Variants in PRR16 observed in about 807,000 individuals in gnomAD.
The protein encoded by PRR16 is proline rich 16.
A neutral mutation model predicts 18.2 loss-of-function variants in PRR16; 6 were observed. The ratio of observed to expected loss-of-function variants is 0.33; its 90% CI spans 0.18 to 0.65. PRR16 has a LOEUF of 0.65. PRR16 is among the 30% of genes least tolerant of loss of function. The probability of loss-of-function intolerance (pLI) is 0.74; values close to 1 mark genes in which losing one functional copy is unlikely to be tolerated. For missense variants in PRR16, 412 were observed against 376.6 expected, an observed-to-expected ratio of 1.09 and a Z score of -0.78; for synonymous variants, 151 against 147.8, an observed-to-expected ratio of 1.02 and a Z score of -0.16.
intron 1 of PRR16, among the ~76,000 whole-genome samples, chr5:120,637,152 C>A (rs73256084): frequency 6.6e-6 from 1 of 151,498 alleles, no homozygotes; most frequent in Non-Finnish European, 1.5e-5. Context: ...GGCATGGATG[C>A]GATGAAAAGG....
chr5:120,611,549 G>A (rs1754334311), intron 1 of PRR16, among the ~76,000 whole-genome samples: 1 of 152,196 alleles, frequency 6.6e-6, no homozygotes, highest in Non-Finnish European at 1.5e-5. Flanking sequence ...AGGGGCCAAT[G>A]TAAAGCTCAA....
chr5:120,790,895 C>G, the PRR16 span: 1 of 151,020 alleles, frequency 6.6e-6, no homozygotes, highest in African/African-American at 2.4e-5. Flanking sequence ...GATTTTAAAA[C>G]AAATTTAAAA....
At chr5:120,634,767 C>G (rs1561585279) in intron 1 of PRR16, among the ~76,000 whole-genome samples, 1 of 151,854 alleles carries the variant, frequency 6.6e-6, no homozygotes, top group East Asian at 1.9e-4. Flanking sequence ...AAGATCAGAG[C>G]AGAACTAAAT....
intron 1 of PRR16, among the ~76,000 whole-genome samples, chr5:120,647,381 T>G (rs1304931429): frequency 6.7e-6 from 1 of 149,720 alleles, no homozygotes; most frequent in Non-Finnish European, 1.5e-5. Context: ...CTGCTTAATT[T>G]TTTAAGAGAT....
At chr5:120,510,179 A>C (rs1385752428) in intron 1 of PRR16, among the ~76,000 whole-genome samples, 1 of 152,162 alleles carries the variant, frequency 6.6e-6, no homozygotes, top group African/African-American at 2.4e-5. Flanking sequence ...ACTTAGTGTT[A>C]ATTTCTCAAC....
chr5:120,625,993 C>T (rs1754850625), intron 1 of PRR16, among the ~76,000 whole-genome samples: 1 of 152,116 alleles, frequency 6.6e-6, no homozygotes, highest in Non-Finnish European at 1.5e-5. Context: ...AAGAATCCCA[C>T]TCCAGAATCT....
chr5:120,755,266 C>T, the PRR16 span, among the ~76,000 whole-genome samples: 1 of 151,566 alleles, frequency 6.6e-6, no homozygotes, highest in Non-Finnish European at 1.5e-5. Context: ...TCAAGGGATG[C>T]ATGTTTGGCC....
chr5:120,544,522 A>G (rs1299924732), intron 1 of PRR16, among the ~76,000 whole-genome samples: 1 of 152,142 alleles, frequency 6.6e-6, no homozygotes, highest in Non-Finnish European at 1.5e-5. Context: ...ATGTGTGTAT[A>G]TGTACAGCTA....
At chr5:120,551,872 A>G (rs918745295) in intron 1 of PRR16, among the ~76,000 whole-genome samples, 7 of 152,096 alleles carry the variant, frequency 4.6e-5, no homozygotes, top group African/African-American at 1.4e-4. Context: ...TGTCTTCTAC[A>G]TTTAATAAAT....
chr5:120,525,223 A>G (rs1044287482), intron 1 of PRR16, among the ~76,000 whole-genome samples: 2 of 152,092 alleles, frequency 1.3e-5, no homozygotes, highest in African/African-American at 4.8e-5. Flanking sequence ...ATATTTTAGT[A>G]TGTTAAATCA....
intron 1 of PRR16, among the ~76,000 whole-genome samples, chr5:120,575,803 A>G (rs919850093): frequency 3.3e-5 from 5 of 152,210 alleles, no homozygotes; most frequent in African/African-American, 1.2e-4. Context: ...AGTCAGAGCA[A>G]TCAAGCAAGA....
intron 1 of PRR16, among the ~76,000 whole-genome samples, chr5:120,666,137 G>C (rs1477889706): frequency 2.0e-5 from 3 of 152,124 alleles, no homozygotes; most frequent in Non-Finnish European, 4.4e-5. Flanking sequence ...ATATCATTGA[G>C]CAGTGGTTTG....
At chr5:120,544,553 A>T (rs1403282072) in intron 1 of PRR16, among the ~76,000 whole-genome samples, 1 of 152,134 alleles carries the variant, frequency 6.6e-6, no homozygotes, top group Non-Finnish European at 1.5e-5. Context: ...TGACACTAAA[A>T]CCAAAACTTT....
chr5:120,685,391 G>C (rs979541085), intron 1 of PRR16, among the ~76,000 whole-genome samples: 5 of 152,164 alleles, frequency 3.3e-5, no homozygotes, highest in African/African-American at 1.2e-4. Context: ...CATTCACTCT[G>C]ATGGTTGCTG....
At chr5:120,587,146 A>C (rs1205371928) in intron 1 of PRR16, among the ~76,000 whole-genome samples, 1 of 152,210 alleles carries the variant, frequency 6.6e-6, no homozygotes, top group Non-Finnish European at 1.5e-5. Context: ...CATAAAGGCT[A>C]AAAGGTGAAG....
At chr5:120,568,995 T>C (rs1176518783) in intron 1 of PRR16, among the ~76,000 whole-genome samples, 1 of 152,122 alleles carries the variant, frequency 6.6e-6, no homozygotes, top group East Asian at 1.9e-4. Context: ...CTAAATCTTT[T>C]ATTTCTCTAA....
chr5:120,791,086 AT>A, the PRR16 span, among the ~76,000 whole-genome samples: 6 of 152,090 alleles, frequency 3.9e-5, no homozygotes, highest in East Asian at 1.2e-3. Context: ...GTCATTTGTA[AT>A]TTGTATTTGG....
At chr5:120,487,840 G>T (rs964283006) in intron 1 of PRR16, among the ~76,000 whole-genome samples, 5 of 152,156 alleles carry the variant, frequency 3.3e-5, no homozygotes, top group Non-Finnish European at 7.3e-5. Context: ...CGAATTTATT[G>T]AGAGTTGTTA....
At chr5:120,629,689 C>T (rs567293286) in intron 1 of PRR16, among the ~76,000 whole-genome samples, 21 of 152,140 alleles carry the variant, frequency 1.4e-4, no homozygotes, top group South Asian at 6.2e-4. Flanking sequence ...TTTTCATATT[C>T]TTAAAATACA....
Sources: gnomAD v4.1 joint callset for allele counts (sites outside exome capture counted in the v4.1 genomes callset) on GRCh38, gnomAD v4.1.1 for gene constraint, MANE v1.5 for transcripts, NCBI Gene and HGNC (gene_info 2026-07-23, HGNC 2026-07-21) for gene names.